RANBP2: variants seen among roughly 807,000 people sequenced by gnomAD.
RANBP2 encodes E3 SUMO-protein ligase RanBP2.
Under a neutral mutation model 303.6 loss-of-function variants are expected in RANBP2, and 57 were observed. That is an observed-to-expected ratio of 0.19 (90% CI 0.15 to 0.23). The LOEUF (loss-of-function observed/expected upper bound fraction) is 0.23, where lower values mean the gene tolerates loss of function less well. Among genes scored for constraint, RANBP2 ranks in the 10% least tolerant of loss-of-function variants. The pLI is 1.00. For synonymous variants in RANBP2, 1,167 were observed against 1,301.5 expected (o/e 0.90, Z 2.23); for missense variants, 3,138 against 3,780.8 (o/e 0.83, Z 4.46).
At chr2:109,366,309 A>G in the RANBP2 span, among the ~76,000 whole-genome samples, 1 of 152,206 alleles carries the variant, frequency 6.6e-6, no homozygotes, top group Admixed American at 6.5e-5. Context: ...CACTAAGTAA[A>G]TTACAGTAAA....
chr2:109,304,634 T>A, the RANBP2 span, among the ~76,000 whole-genome samples: 47,268 of 152,112 alleles, frequency 0.31, 9,055 homozygotes, highest in African/African-American at 0.54. Flanking sequence ...TTTGAGTTTG[T>A]ATTTAAATGA....
chr2:108,722,914 A>T (rs541037056), intron 1 of RANBP2, among the ~76,000 whole-genome samples: 3,595 of 152,140 alleles, frequency 0.024, 127 homozygotes, highest in African/African-American at 0.08. Flanking sequence ...AAGAAAAAAA[A>T]ATATAATTCT....
At chr2:109,655,693 C>T in the RANBP2 span, among the ~76,000 whole-genome samples, 1 of 152,136 alleles carries the variant, frequency 6.6e-6, no homozygotes, top group Admixed American at 6.5e-5. Flanking sequence ...AAAAAACCCT[C>T]CCTTCCACTT....
chr2:109,563,341 C>T, the RANBP2 span, among the ~76,000 whole-genome samples: 9 of 152,140 alleles, frequency 5.9e-5, no homozygotes, highest in African/African-American at 9.7e-5. Flanking sequence ...TATGCAACAG[C>T]GGCACTAATT....
chr2:109,713,627 T>G, the RANBP2 span, among the ~76,000 whole-genome samples: 3 of 152,214 alleles, frequency 2.0e-5, no homozygotes, highest in Admixed American at 2.0e-4. Context: ...GCAGAAGTGG[T>G]CGTGGTCTTG....
chr2:109,499,881 G>C, the RANBP2 span, among the ~76,000 whole-genome samples: 3 of 152,210 alleles, frequency 2.0e-5, no homozygotes, highest in African/African-American at 7.2e-5. Context: ...ATAGGGTCCA[G>C]GCTGAGCTGA....
the RANBP2 span, among the ~76,000 whole-genome samples, chr2:108,864,028 G>A: frequency 6.6e-6 from 1 of 152,058 alleles, no homozygotes; most frequent in Non-Finnish European, 1.5e-5. Flanking sequence ...TGAAAGGCTG[G>A]TCTTTCTCAT....
the RANBP2 span, among the ~76,000 whole-genome samples, chr2:109,156,017 C>A: frequency 6.6e-6 from 1 of 152,234 alleles, no homozygotes; most frequent in African/African-American, 2.4e-5. Context: ...CCATGCTTCC[C>A]ACTGGGGTCA....
chr2:109,297,142 C>A, the RANBP2 span, among the ~76,000 whole-genome samples: 1 of 151,900 alleles, frequency 6.6e-6, no homozygotes, highest in Non-Finnish European at 1.5e-5. Context: ...GCTGTGGGGG[C>A]AGTGAGCTAG....
the RANBP2 span, among the ~76,000 whole-genome samples, chr2:109,397,614 G>A: frequency 1.3e-5 from 2 of 152,168 alleles, no homozygotes; most frequent in East Asian, 1.9e-4. Context: ...CTCACAGATG[G>A]TGAACTGACC....
chr2:108,822,724 G>A, the RANBP2 span, among the ~76,000 whole-genome samples: 1 of 152,110 alleles, frequency 6.6e-6, no homozygotes, highest in Non-Finnish European at 1.5e-5. Context: ...AAATCCCAAG[G>A]AAAATTGGCA....
chr2:109,017,164 C>T, the RANBP2 span, among the ~76,000 whole-genome samples: 17 of 152,370 alleles, frequency 1.1e-4, no homozygotes, highest in East Asian at 1.3e-3. Context: ...CAGTCACACC[C>T]GGTAGAAACC....
the RANBP2 span, chr2:109,502,395 A>G: frequency 1.3e-5 from 2 of 152,200 alleles, no homozygotes; most frequent in East Asian, 3.9e-4. Flanking sequence ...CCTATTTTTC[A>G]TACATCTGGT....
At chr2:109,360,761 A>C in the RANBP2 span, among the ~76,000 whole-genome samples, 4 of 152,348 alleles carry the variant, frequency 2.6e-5, no homozygotes, top group Non-Finnish European at 2.9e-5. Flanking sequence ...TGTCATCTGT[A>C]AACAAAGGCA....
chr2:108,894,467 T>G, the RANBP2 span: 1 of 152,496 alleles, frequency 6.6e-6, no homozygotes, highest in Non-Finnish European at 1.5e-5. Flanking sequence ...CGGTAGTCTA[T>G]AAATCTTATT....
chr2:109,568,206 C>T, the RANBP2 span, among the ~76,000 whole-genome samples: 1 of 152,042 alleles, frequency 6.6e-6, no homozygotes, highest in Non-Finnish European at 1.5e-5. Context: ...CACACTACAA[C>T]AGCAGAGATG....
the RANBP2 span, among the ~76,000 whole-genome samples, chr2:109,029,596 T>C: frequency 6.6e-6 from 1 of 152,208 alleles, no homozygotes; most frequent in Non-Finnish European, 1.5e-5. Flanking sequence ...GGGCAAACTT[T>C]ACAGCATCAG....
At chr2:109,183,582 C>T in the RANBP2 span, among the ~76,000 whole-genome samples, 1 of 133,298 alleles carries the variant, frequency 7.5e-6, no homozygotes, top group Admixed American at 8.1e-5. Flanking sequence ...ACAATTCAGC[C>T]TTAACTTTTA....
At chr2:108,761,032 T>C (rs1048126333) in intron 18 of RANBP2, among the ~76,000 whole-genome samples, 1 of 151,266 alleles carries the variant, frequency 6.6e-6, no homozygotes, top group Non-Finnish European at 1.5e-5. Context: ...TAGATTACTT[T>C]TAGTAGATTT....
Sources: gnomAD v4.1 joint callset for allele counts (sites outside exome capture counted in the v4.1 genomes callset) on GRCh38, gnomAD v4.1.1 for gene constraint, MANE v1.5 for transcripts, NCBI Gene and HGNC (gene_info 2026-07-23, HGNC 2026-07-21) for gene names.